The following ADAMTSL1 variants were observed in gnomAD, a reference collection of about 807,000 sequenced individuals.
ADAMTSL1 encodes the protein ADAMTS-like protein 1.
Under a neutral mutation model 201.8 loss-of-function variants are expected in ADAMTSL1, and 126 were observed. The observed-to-expected ratio is 0.62, with a 90% CI of 0.54 to 0.72. The LOEUF is 0.72. Among genes scored for constraint, ADAMTSL1 ranks in the 30% least tolerant of loss-of-function variants. The probability of loss-of-function intolerance (pLI) is 0.00; values close to 1 mark genes in which losing one functional copy is unlikely to be tolerated. For missense variants in ADAMTSL1, 2,679 were observed against 2,277.8 expected, an observed-to-expected ratio of 1.18 and a Z score of -3.59; for synonymous variants, 1,121 against 903.4, an observed-to-expected ratio of 1.24 and a Z score of -4.32.
At chr9:18,074,188 G>A (rs79400829) in intron 1 of ADAMTSL1, among the ~76,000 whole-genome samples, 3,556 of 152,244 alleles carry the variant, frequency 0.023, 129 homozygotes, top group African/African-American at 0.079. Context: ...GGCTGCATCT[G>A]CTTTAATGAC....
intron 1 of ADAMTSL1, among the ~76,000 whole-genome samples, chr9:18,099,355 A>ATTTTTTT (rs397893715): frequency 6.6e-5 from 3 of 45,542 alleles, no homozygotes; most frequent in African/African-American, 2.4e-4. Context: ...ATATATATAT[A>ATTTTTTT]TTTTTTTTTT....
intron 9 of ADAMTSL1, among the ~76,000 whole-genome samples, chr9:18,669,550 A>T (rs187210048): frequency 5.8e-4 from 89 of 152,330 alleles, no homozygotes; most frequent in African/African-American, 2.0e-3. Context: ...ATGGTTTTTT[A>T]AAAATGGGAC....
intron 5 of ADAMTSL1, among the ~76,000 whole-genome samples, chr9:18,634,277 G>C (rs1826960561): frequency 6.6e-6 from 1 of 152,074 alleles, no homozygotes; most frequent in Admixed American, 6.6e-5. Context: ...AAATATGTCT[G>C]AACAGGCCAG....
chr9:18,451,969 G>A (rs12376471), intron 2 of ADAMTSL1, among the ~76,000 whole-genome samples: 6,617 of 152,238 alleles, frequency 0.043, 189 homozygotes, highest in Non-Finnish European at 0.063. Flanking sequence ...GGTGTGCAAT[G>A]GCACAATCTC....
intron 2 of ADAMTSL1, among the ~76,000 whole-genome samples, chr9:18,274,023 A>G (rs1354449698): frequency 6.6e-6 from 1 of 152,210 alleles, no homozygotes; most frequent in East Asian, 1.9e-4. Flanking sequence ...TAAATGACCT[A>G]TTTAAACTTT....
intron 2 of ADAMTSL1, among the ~76,000 whole-genome samples, chr9:18,262,117 G>C (rs975026969): frequency 1.3e-5 from 2 of 152,144 alleles, no homozygotes; most frequent in African/African-American, 2.4e-5. Context: ...GATATAGCCA[G>C]GCAAACCCTA....
intron 23 of ADAMTSL1, among the ~76,000 whole-genome samples, chr9:18,854,637 G>C (rs1055571168): frequency 6.6e-6 from 1 of 152,190 alleles, no homozygotes; most frequent in African/African-American, 2.4e-5. Context: ...AAGGTGCAAA[G>C]GAGGGAGGAG....
chr9:18,890,463 G>T (rs996919826), intron 25 of ADAMTSL1: 13 of 455,458 alleles, frequency 2.9e-5, no homozygotes, highest in Non-Finnish European at 5.3e-5. Context: ...TGAGAGCCTG[G>T]GGGGATGTGG....
intron 1 of ADAMTSL1, among the ~76,000 whole-genome samples, chr9:18,477,380 T>C (rs1023921250): frequency 4.6e-5 from 7 of 152,202 alleles, no homozygotes; most frequent in Non-Finnish European, 1.0e-4. Flanking sequence ...GAATTTCTTT[T>C]TCTTCTCTGT....
rs181677446 is a variant in ADAMTSL1 at position 17,936,185 on chromosome 9, C to A, written c.87+29263C>A. ...GTAATTTTTATTCTAAGTGTAATTT[C>A]CTTGCTATTTACTGGTGCCTTATGT... On this transcript the variant is annotated intron_variant, in intron 1 of 29. Transcript: ENST00000680146. Among the ~76,000 whole-genome samples the A allele has an allele frequency of 2.6e-5, 4 of 152,264 alleles. No homozygotes were observed. The East Asian group carries it at 7.7e-4, about 29-fold the overall frequency.
intron 3 of ADAMTSL1, 51 bp from the exon 4 acceptor site, chr9:18,573,979 T>A: frequency 2.7e-6 from 4 of 1,482,828 alleles, no homozygotes; most frequent in Non-Finnish European, 3.7e-6. Context: ...GGTTTCATGT[T>A]TGGGGGTATC....
At chr9:18,129,870 A>T (rs1825877836) in intron 1 of ADAMTSL1, among the ~76,000 whole-genome samples, 1 of 152,172 alleles carries the variant, frequency 6.6e-6, no homozygotes, top group South Asian at 2.1e-4. Context: ...CTTGTTCCCC[A>T]GGGAAACAGG....
intron 2 of ADAMTSL1, among the ~76,000 whole-genome samples, chr9:18,509,169 C>G (rs1344919801): frequency 7.3e-5 from 5 of 68,328 alleles, no homozygotes; most frequent in Non-Finnish European, 1.3e-4. Context: ...CCGGCCTGGG[C>G]GACAGAGCGA....
At position 18,095,653 on chromosome 9, in the gene ADAMTSL1, A is replaced by G. The variant is rs145742025; in HGVS notation, c.88-68209A>G. ...TGGCCAGGCTGGTCTCAAACTCCTT[A>G]CCTCAGGTGATCCACCCGCCTCAGC... On this transcript the variant is annotated intron_variant, in intron 1 of 29. Transcript: ENST00000680146. Among the ~76,000 whole-genome samples, 1,366 of 151,796 alleles carry G rather than the reference A, an allele frequency of 9.0e-3. 7 individuals carry two copies. Among genetic ancestry groups the G allele is most frequent in the Non-Finnish European group, 0.011 (729 of 67,858 alleles).
intron 23 of ADAMTSL1, among the ~76,000 whole-genome samples, chr9:18,875,476 A>T (rs1240399384): frequency 6.6e-6 from 1 of 152,128 alleles, no homozygotes; most frequent in East Asian, 1.9e-4. Context: ...AGTTCAAAGA[A>T]TTTTTTAATT....
At chr9:18,219,608 G>T (rs950214686) in intron 2 of ADAMTSL1, among the ~76,000 whole-genome samples, 3 of 151,878 alleles carry the variant, frequency 2.0e-5, no homozygotes, top group Non-Finnish European at 4.4e-5. Flanking sequence ...ACCTCAGATG[G>T]TCTGCCCACC....
intron 2 of ADAMTSL1, among the ~76,000 whole-genome samples, chr9:18,192,014 G>A (rs1332241897): frequency 1.3e-5 from 2 of 152,126 alleles, no homozygotes; most frequent in Non-Finnish European, 2.9e-5. Context: ...GGGTATGATC[G>A]TTACGGTGTT....
intron 3 of ADAMTSL1, among the ~76,000 whole-genome samples, chr9:18,562,506 C>G (rs1428648455): frequency 1.3e-5 from 2 of 152,118 alleles, no homozygotes; most frequent in Non-Finnish European, 2.9e-5. Flanking sequence ...TGGGGTTGCT[C>G]TTCTTGTGGA....
intron 20 of ADAMTSL1, among the ~76,000 whole-genome samples, chr9:18,812,134 T>C (rs1426289541): frequency 2.0e-5 from 3 of 152,198 alleles, no homozygotes; most frequent in Non-Finnish European, 4.4e-5. Context: ...GGAACTAGAA[T>C]AGCAAAGAGG....
Sources: gnomAD v4.1 joint callset for allele counts (sites outside exome capture counted in the v4.1 genomes callset) on GRCh38, gnomAD v4.1.1 for gene constraint, MANE v1.5 for transcripts, NCBI Gene and HGNC (gene_info 2026-07-23, HGNC 2026-07-21) for gene names.